The following ZNF385D variants were observed in gnomAD, a reference collection of about 807,000 sequenced individuals.
ZNF385D encodes the protein zinc finger protein 659.
Under a neutral mutation model 35.8 loss-of-function variants are expected in ZNF385D, and 15 were observed. The observed-to-expected ratio is 0.42, with a 90% CI of 0.28 to 0.64. The LOEUF is 0.64. ZNF385D is among the 30% of genes least tolerant of loss of function. The pLI, the probability that ZNF385D is intolerant of heterozygous loss-of-function variation, is 0.23. For missense variants in ZNF385D, 474 were observed against 494.6 expected, an observed-to-expected ratio of 0.96 and a Z score of 0.39; for synonymous variants, 212 against 186.8, an observed-to-expected ratio of 1.13 and a Z score of -1.10.
Position 22,035,536 on chromosome 3 carries a change from A to G in ZNF385D, c.325+133281T>C, listed in dbSNP as rs138986204. Among the ~76,000 whole-genome samples the G allele has an allele frequency of 4.5e-3, 681 of 152,308 alleles. 3 individuals carry two copies. The highest frequency in any genetic ancestry group is 0.015 in the African/African-American group (632 of 41,580). The stretch of plus-strand genomic sequence containing the variant: ...AGTTTTAAAATTGGTTTGTTTTTCA[A>G]TACTGTGACCTAAGTTCTGAGTGCT... On this transcript the variant is annotated intron_variant, in intron 3 of 5. Transcript: ENST00000494108.
At chr3:21,571,991 A>G (rs1257410254) in intron 2 of ZNF385D, among the ~76,000 whole-genome samples, 1 of 152,090 alleles carries the variant, frequency 6.6e-6, no homozygotes, top group Non-Finnish European at 1.5e-5. Context: ...TCTAGGCATG[A>G]TTGACTGAAT....
At chr3:22,262,763 A>T (rs1700700888) in intron 2 of ZNF385D, among the ~76,000 whole-genome samples, 1 of 149,920 alleles carries the variant, frequency 6.7e-6, no homozygotes, top group South Asian at 2.1e-4. Context: ...TTTGAGGATT[A>T]AAAAAAAAGA....
At chr3:22,094,304 T>A (rs1353761022) in intron 3 of ZNF385D, among the ~76,000 whole-genome samples, 1 of 136,938 alleles carries the variant, frequency 7.3e-6, no homozygotes, top group African/African-American at 2.6e-5. Context: ...CTTGGCTAGG[T>A]ATTTTATTCT....
chr3:21,706,908 G>C (rs556036624), intron 1 of ZNF385D, among the ~76,000 whole-genome samples: 1 of 152,136 alleles, frequency 6.6e-6, no homozygotes, highest in Admixed American at 6.5e-5. Flanking sequence ...TTTAGGAAAA[G>C]GACAGATTAT....
chr3:21,620,930 T>C (rs2064987655), intron 2 of ZNF385D, among the ~76,000 whole-genome samples: 1 of 152,064 alleles, frequency 6.6e-6, no homozygotes, highest in African/African-American at 2.4e-5. Context: ...AATTAAACAC[T>C]GTAGGTAAGC....
chr3:22,124,760 G>T (rs997263849), intron 3 of ZNF385D, among the ~76,000 whole-genome samples: 1 of 151,980 alleles, frequency 6.6e-6, no homozygotes, highest in Non-Finnish European at 1.5e-5. Context: ...CTTTTAATTG[G>T]ATAAATATAT....
intron 2 of ZNF385D, among the ~76,000 whole-genome samples, chr3:22,224,995 A>G (rs1177760808): frequency 6.6e-6 from 1 of 152,114 alleles, no homozygotes; most frequent in Non-Finnish European, 1.5e-5. Flanking sequence ...CCATGTTCCT[A>G]ATAGTGCTTA....
rs1234963877 is a variant in ZNF385D at position 21,414,385 on chromosome 3, T to C, written c.*6829A>G. On this transcript the variant is annotated 3_prime_UTR_variant, in exon 8 of 8. Transcript: ENST00000281523. ...TATATTTTTAAAAACACTCCAACCT[T>C]TTTTCAGGACAAAAGAGAAAGCTAA... 3.3e-5 allele frequency: 5 copies of C among 152,118 alleles called. No homozygotes were observed. Among genetic ancestry groups the C allele is most frequent in the African/African-American group, 9.7e-5 (4 of 41,442 alleles). 9.4% of individuals were successfully genotyped at this position (152,118 alleles called of 1,614,324 possible).
chr3:21,739,479 C>G (rs2069403728), intron 1 of ZNF385D, among the ~76,000 whole-genome samples: 1 of 152,114 alleles, frequency 6.6e-6, no homozygotes, highest in South Asian at 2.1e-4. Flanking sequence ...TGTTACAGAG[C>G]TCAGAGAAAC....
chr3:21,803,213 C>A (rs1324547401), intron 3 of ZNF385D, among the ~76,000 whole-genome samples: 6 of 152,018 alleles, frequency 3.9e-5, no homozygotes, highest in Non-Finnish European at 7.4e-5. Context: ...CAGAGAGTGG[C>A]AGGTATAGGT....
chr3:21,941,167 T>C (rs1168974953), intron 3 of ZNF385D, among the ~76,000 whole-genome samples: 1 of 152,148 alleles, frequency 6.6e-6, no homozygotes, highest in Non-Finnish European at 1.5e-5. Context: ...AAAAGGGAAG[T>C]CCCAGGAAAC....
intron 2 of ZNF385D, among the ~76,000 whole-genome samples, chr3:22,295,798 A>C (rs1048587764): frequency 6.6e-6 from 1 of 152,148 alleles, no homozygotes; most frequent in Admixed American, 6.6e-5. Flanking sequence ...AACAACTGAT[A>C]AACTATAACC....
intron 2 of ZNF385D, among the ~76,000 whole-genome samples, chr3:22,276,496 C>T (rs760086205): frequency 6.6e-6 from 1 of 152,114 alleles, no homozygotes; most frequent in Non-Finnish European, 1.5e-5. Context: ...GCCATAGAAG[C>T]TCAAGCAATG....
chr3:22,142,315 T>A (rs1704557980), intron 3 of ZNF385D, among the ~76,000 whole-genome samples: 1 of 152,202 alleles, frequency 6.6e-6, no homozygotes, highest in African/African-American at 2.4e-5. Context: ...GGAGATTCAT[T>A]TCAAATTCAA....
chr3:21,688,019 C>G (rs559261883), intron 1 of ZNF385D, among the ~76,000 whole-genome samples: 2 of 152,140 alleles, frequency 1.3e-5, no homozygotes, highest in Non-Finnish European at 2.9e-5. Flanking sequence ...CTTAGCCTCC[C>G]ATAGTGTTGG....
At chr3:21,674,394 T>A (rs1012776461) in intron 1 of ZNF385D, among the ~76,000 whole-genome samples, 12 of 152,194 alleles carry the variant, frequency 7.9e-5, no homozygotes, top group African/African-American at 2.6e-4. Context: ...TACATATGGG[T>A]AAATAAGCCT....
At chr3:22,354,339 A>G (rs893207089) in intron 2 of ZNF385D, among the ~76,000 whole-genome samples, 1 of 152,136 alleles carries the variant, frequency 6.6e-6, no homozygotes, top group African/African-American at 2.4e-5. Context: ...TAATGTATGT[A>G]AAGTAGTGCT....
intron 2 of ZNF385D, among the ~76,000 whole-genome samples, chr3:21,634,390 G>C (rs866146552): frequency 6.6e-6 from 1 of 150,804 alleles, no homozygotes; most frequent in Non-Finnish European, 1.5e-5. Context: ...AGAAAGGAAC[G>C]AAAGAGAAGA....
intron 2 of ZNF385D, among the ~76,000 whole-genome samples, chr3:21,608,993 A>G (rs2064584440): frequency 6.6e-6 from 1 of 152,216 alleles, no homozygotes; most frequent in South Asian, 2.1e-4. Context: ...GTAATCAAGT[A>G]TTTGATATGA....
Sources: allele counts gnomAD v4.1 joint callset (sites outside exome capture counted in the v4.1 genomes callset), GRCh38; gene constraint gnomAD v4.1.1; transcripts MANE v1.5; gene names NCBI Gene and HGNC (gene_info 2026-07-23, HGNC 2026-07-21).